Variants in CFAP61 observed in about 807,000 individuals in gnomAD.
CFAP61 encodes cilia and flagella associated protein 61, also known as cilia- and flagella-associated protein 61.
A neutral mutation model predicts 135.6 loss-of-function variants in CFAP61; 107 were observed. That is an observed-to-expected ratio of 0.79 (90% confidence interval 0.67 to 0.93). The LOEUF is 0.93. Among genes scored for constraint, CFAP61 ranks in the 40% least tolerant of loss-of-function variants. CFAP61 has a pLI of 0.00. For missense variants in CFAP61, 1,507 were observed against 1,556.2 expected (o/e 0.97, Z 0.53); for synonymous variants, 575 against 578.5 (o/e 0.99, Z 0.09).
At chr20:20,312,215 G>A (rs2056872883) in intron 25 of CFAP61, among the ~76,000 whole-genome samples, 1 of 152,102 alleles carries the variant, frequency 6.6e-6, no homozygotes, top group African/African-American at 2.4e-5. Context: ...ACCCAGAACT[G>A]ACTCAGATGT....
At chr20:20,339,508 G>A (rs1201159136) in intron 25 of CFAP61, among the ~76,000 whole-genome samples, 1 of 152,006 alleles carries the variant, frequency 6.6e-6, no homozygotes, top group Non-Finnish European at 1.5e-5. Flanking sequence ...AGGCTGGAGT[G>A]CAGTAGGCTG....
At chr20:20,284,387 G>T (rs1269205780) in intron 22 of CFAP61, among the ~76,000 whole-genome samples, 1 of 151,962 alleles carries the variant, frequency 6.6e-6, no homozygotes, top group South Asian at 2.1e-4. Context: ...CCAGGTTCAC[G>T]CCATTCTCCT....
At chr20:20,239,817 AGG>A (rs2049880364) in intron 18 of CFAP61, among the ~76,000 whole-genome samples, 1 of 152,198 alleles carries the variant, frequency 6.6e-6, no homozygotes, top group Non-Finnish European at 1.5e-5. Context: ...ATTTAAAAAG[AGG>A]TTTCCAGTAG....
chr20:20,120,767 T>G (rs562301019), intron 8 of CFAP61, among the ~76,000 whole-genome samples: 6 of 152,310 alleles, frequency 3.9e-5, no homozygotes, highest in Admixed American at 6.5e-5. Flanking sequence ...AGTCTATCTC[T>G]CCCTTCACAT....
intron 25 of CFAP61, among the ~76,000 whole-genome samples, chr20:20,327,587 T>C (rs965736676): frequency 1.3e-5 from 2 of 152,006 alleles, no homozygotes; most frequent in Non-Finnish European, 2.9e-5. Flanking sequence ...TAAGGTCACA[T>C]GTTTGTATCT....
chr20:20,085,587 C>A, intron 6 of CFAP61: 1 of 1,228,078 alleles, frequency 8.1e-7, no homozygotes, highest in Non-Finnish European at 1.1e-6. Flanking sequence ...CATGAGCAGG[C>A]CTAGGGCTCT....
intron 13 of CFAP61, among the ~76,000 whole-genome samples, chr20:20,169,854 G>A (rs1404114645): frequency 1.3e-5 from 2 of 152,194 alleles, no homozygotes; most frequent in African/African-American, 4.8e-5. Flanking sequence ...GGATTCTTCT[G>A]TAAATCATGA....
At chr20:20,242,314 A>C (rs909217498) in intron 18 of CFAP61, among the ~76,000 whole-genome samples, 1 of 152,234 alleles carries the variant, frequency 6.6e-6, no homozygotes, top group African/African-American at 2.4e-5. Context: ...CATGAACCCT[A>C]TGAAAAGATC....
intron 6 of CFAP61, among the ~76,000 whole-genome samples, chr20:20,086,897 G>A (rs2046848554): frequency 6.6e-6 from 1 of 152,154 alleles, no homozygotes; most frequent in Non-Finnish European, 1.5e-5. Flanking sequence ...AGAGTCACCG[G>A]AGGGTGTAGG....
At chr20:20,255,040 C>T (rs1341230327) in intron 20 of CFAP61, among the ~76,000 whole-genome samples, 1 of 152,140 alleles carries the variant, frequency 6.6e-6, no homozygotes, top group Non-Finnish European at 1.5e-5. Context: ...TGCATAACTC[C>T]AAATACAGTA....
At chr20:20,199,244 G>T (rs2056474978) in intron 16 of CFAP61, among the ~76,000 whole-genome samples, 2 of 151,966 alleles carry the variant, frequency 1.3e-5, no homozygotes, top group Non-Finnish European at 2.9e-5. Flanking sequence ...AGTTTTTGTT[G>T]TTGTTGTTGT....
intron 9 of CFAP61, among the ~76,000 whole-genome samples, chr20:20,149,946 T>C (rs538194345): frequency 6.6e-6 from 1 of 152,272 alleles, no homozygotes; most frequent in East Asian, 1.9e-4. Flanking sequence ...CTGAAAGCCA[T>C]ACTTGCTTCT....
At chr20:20,054,000 G>GTTTTTT (rs772688050) in intron 1 of CFAP61, among the ~76,000 whole-genome samples, 1 of 99,430 alleles carries the variant, frequency 1.0e-5, no homozygotes, top group Non-Finnish European at 2.2e-5. Context: ...CTCTGTGTGT[G>GTTTTTT]TTTTTTTTGT....
chr20:20,052,657 C>A, intron 1 of CFAP61, 66 bp downstream of exon 1: 1 of 1,613,366 alleles, frequency 6.2e-7, no homozygotes, highest in Non-Finnish European at 8.5e-7. Context: ...AGGGCGCATC[C>A]CCAGGTCAGC....
At chr20:20,104,892 A>G (rs1428140975) in intron 8 of CFAP61, among the ~76,000 whole-genome samples, 1 of 152,122 alleles carries the variant, frequency 6.6e-6, no homozygotes, top group Non-Finnish European at 1.5e-5. Flanking sequence ...TTCTTTTTAT[A>G]AGGACACCAG....
At chr20:20,185,842 A>G (rs894067454) in intron 13 of CFAP61, among the ~76,000 whole-genome samples, 14 of 152,172 alleles carry the variant, frequency 9.2e-5, no homozygotes, top group African/African-American at 2.4e-5. Context: ...GTATTGTTAT[A>G]TCTTCCTAGT....
intron 26 of CFAP61, among the ~76,000 whole-genome samples, chr20:20,342,178 C>T (rs1357650063): frequency 2.0e-5 from 3 of 152,176 alleles, no homozygotes; most frequent in Non-Finnish European, 4.4e-5. Context: ...CTGATCAGCT[C>T]AGAGTGCTGG....
At chr20:20,341,349 A>G (rs2058437955) in intron 25 of CFAP61, among the ~76,000 whole-genome samples, 1 of 152,256 alleles carries the variant, frequency 6.6e-6, no homozygotes, top group Non-Finnish European at 1.5e-5. Context: ...AAGAGATTCA[A>G]TTAAGCGTCG....
intron 25 of CFAP61, among the ~76,000 whole-genome samples, chr20:20,320,126 T>G (rs1230140588): frequency 1.3e-5 from 2 of 151,266 alleles, no homozygotes; most frequent in Non-Finnish European, 2.9e-5. Context: ...AAATAAAACT[T>G]GCAATGGAGG....
Sources: allele counts gnomAD v4.1 joint callset (sites outside exome capture counted in the v4.1 genomes callset), GRCh38; gene constraint gnomAD v4.1.1; transcripts MANE v1.5; gene names NCBI Gene and HGNC (gene_info 2026-07-23, HGNC 2026-07-21).